TSHZ2: variants seen among roughly 807,000 people sequenced by gnomAD.
TSHZ2 encodes teashirt homolog 2.
TSHZ2 carries 21 observed loss-of-function variants against 74.4 expected under a neutral mutation model. The observed-to-expected ratio is 0.28, with a 90% CI of 0.20 to 0.41. TSHZ2 has a LOEUF of 0.41. Ranked by LOEUF, TSHZ2 falls within the 10% of genes least tolerant of loss-of-function variation. The pLI is 1.00. For missense variants in TSHZ2, 1,244 were observed against 1,293.5 expected (o/e 0.96, Z 0.59); for synonymous variants, 540 against 515.3 (o/e 1.05, Z -0.65).
chr20:53,271,429 CAAG>C (rs1488780258), intron 2 of TSHZ2, among the ~76,000 whole-genome samples: 1 of 152,258 alleles, frequency 6.6e-6, no homozygotes, highest in Non-Finnish European at 1.5e-5. Context: ...CCTCAATTAA[CAAG>C]AGCTACTCTC....
At chr20:53,136,221 C>T (rs1237058346) in intron 1 of TSHZ2, among the ~76,000 whole-genome samples, 1 of 152,146 alleles carries the variant, frequency 6.6e-6, no homozygotes, top group African/African-American at 2.4e-5. Context: ...CCCATTCATT[C>T]ATTAACCCTT....
chr20:53,488,171 G>C lies in TSHZ2; in HGVS notation c.*1036G>C, dbSNP rs1986345283. 1 of 152,070 alleles carries C rather than the reference G, an allele frequency of 6.6e-6. No homozygotes were observed. Among genetic ancestry groups the C allele is most frequent in the South Asian group, 2.1e-4 (1 of 4,822 alleles). 9.4% of individuals were successfully genotyped at this position (152,070 alleles called of 1,614,324 possible). On this transcript the variant is annotated 3_prime_UTR_variant, in exon 3 of 3. Transcript: ENST00000371497. ...GCAACTTTTTTCATTAAAACTTTGA[G>C]GGCCCAATTTTAATTTGTGGAATAT...
chr20:53,440,085 T>C lies in TSHZ2; in HGVS notation c.*9-47059T>C, dbSNP rs149609608. ...AGGTAGGAAATGTAATCGAAATCAC[T>C]GGGAACAGTTGGCCGTCCTTAGAAT... On this transcript the variant is annotated intron_variant, in intron 2 of 2. Coordinates refer to ENST00000371497, the MANE Select transcript of TSHZ2 (RefSeq NM_173485.6). Among the ~76,000 whole-genome samples, 123 of 152,072 alleles carry C rather than the reference T, an allele frequency of 8.1e-4. 1 individual carries two copies. The highest frequency in any genetic ancestry group is 3.9e-3 in the Admixed American group (60 of 15,288).
chr20:53,173,737 T>TAGGC (rs1265887378), intron 1 of TSHZ2, among the ~76,000 whole-genome samples: 8 of 152,008 alleles, frequency 5.3e-5, no homozygotes, highest in African/African-American at 1.9e-4. Context: ...GGTGGGTGGG[T>TAGGC]AGGCAGGTAG....
chr20:53,330,066 A>G (rs8121506), intron 2 of TSHZ2, among the ~76,000 whole-genome samples: 10,332 of 152,326 alleles, frequency 0.068, 397 homozygotes, highest in South Asian at 0.092. Flanking sequence ...TACAGAGACC[A>G]TATGGTATGC....
intron 1 of TSHZ2, among the ~76,000 whole-genome samples, chr20:53,240,846 A>T (rs1016876171): frequency 2.6e-5 from 4 of 152,104 alleles, no homozygotes; most frequent in African/African-American, 4.8e-5. Context: ...CAGAATAATT[A>T]AAAAGCAAGG....
At chr20:53,016,480 TG>T (rs1176904778) in intron 1 of TSHZ2, among the ~76,000 whole-genome samples, 1 of 152,216 alleles carries the variant, frequency 6.6e-6, no homozygotes, top group Non-Finnish European at 1.5e-5. Context: ...GCAATTAAAG[TG>T]AACAGAGCCT....
At chr20:53,452,405 G>C (rs1984827766) in intron 2 of TSHZ2, among the ~76,000 whole-genome samples, 1 of 152,158 alleles carries the variant, frequency 6.6e-6, no homozygotes, top group Non-Finnish European at 1.5e-5. Flanking sequence ...TTCAAGACCA[G>C]CCTGGCCAAC....
chr20:53,406,845 C>A (rs2145689190), intron 2 of TSHZ2, among the ~76,000 whole-genome samples: 1 of 152,244 alleles, frequency 6.6e-6, no homozygotes, highest in East Asian at 1.9e-4. Flanking sequence ...TCAGGGAAGG[C>A]CACATGGAAG....
intron 1 of TSHZ2, among the ~76,000 whole-genome samples, chr20:53,239,207 G>A (rs542136288): frequency 2.6e-5 from 4 of 152,220 alleles, no homozygotes; most frequent in African/African-American, 4.8e-5. Context: ...AGACATTAAC[G>A]AATGTCCCCA....
At chr20:53,099,029 T>C (rs942669532) in intron 1 of TSHZ2, among the ~76,000 whole-genome samples, 1 of 152,192 alleles carries the variant, frequency 6.6e-6, no homozygotes, top group Non-Finnish European at 1.5e-5. Context: ...TGGACCACCT[T>C]TGATGCCATC....
intron 1 of TSHZ2, among the ~76,000 whole-genome samples, chr20:53,114,959 G>A (rs1039164828): frequency 3.9e-5 from 6 of 152,172 alleles, no homozygotes; most frequent in Non-Finnish European, 1.5e-5. Context: ...TGGGTATCAC[G>A]CATTCTTCCT....
chr20:53,320,937 G>A (rs907687087), intron 2 of TSHZ2, among the ~76,000 whole-genome samples: 6 of 152,190 alleles, frequency 3.9e-5, no homozygotes, highest in African/African-American at 1.4e-4. Context: ...TAGCTGGCCA[G>A]TGCCCATGTA....
intron 1 of TSHZ2, among the ~76,000 whole-genome samples, chr20:53,101,592 GC>G (rs1986220320): frequency 6.6e-6 from 1 of 152,176 alleles, no homozygotes; most frequent in Non-Finnish European, 1.5e-5. Context: ...AGAAACCACA[GC>G]CCCCACTCCT....
At chr20:53,226,228 CCTAGG>C (rs2041207970) in intron 1 of TSHZ2, among the ~76,000 whole-genome samples, 1 of 151,556 alleles carries the variant, frequency 6.6e-6, no homozygotes, top group Admixed American at 6.6e-5. Context: ...TGGGGACAGG[CCTAGG>C]ATTTGGGTCT....
At chr20:53,449,832 T>G (rs1037342298) in intron 2 of TSHZ2, among the ~76,000 whole-genome samples, 1 of 152,242 alleles carries the variant, frequency 6.6e-6, no homozygotes, top group Admixed American at 6.5e-5. Flanking sequence ...ATGTACACAT[T>G]AATCACCACC....
chr20:53,331,695 T>TC (rs1294554114), intron 2 of TSHZ2, among the ~76,000 whole-genome samples: 7 of 151,628 alleles, frequency 4.6e-5, no homozygotes, highest in African/African-American at 1.7e-4. Flanking sequence ...GCTGCATTAG[T>TC]CAGAGTCCCC....
intron 2 of TSHZ2, among the ~76,000 whole-genome samples, chr20:53,352,894 A>G (rs1035788856): frequency 2.0e-5 from 3 of 152,162 alleles, no homozygotes; most frequent in Middle Eastern, 3.4e-3. Context: ...ATTGACTCAC[A>G]TGGGCCGTAG....
chr20:53,467,378 C>T (rs1295782955), intron 2 of TSHZ2, among the ~76,000 whole-genome samples: 1 of 152,056 alleles, frequency 6.6e-6, no homozygotes, highest in Non-Finnish European at 1.5e-5. Flanking sequence ...TTATTTGTAA[C>T]ACATAAGCAG....
Sources: gnomAD v4.1 joint callset for allele counts (sites outside exome capture counted in the v4.1 genomes callset) on GRCh38, gnomAD v4.1.1 for gene constraint, MANE v1.5 for transcripts, NCBI Gene and HGNC (gene_info 2026-07-23, HGNC 2026-07-21) for gene names.